The following AGBL4 variants were observed in gnomAD, a reference collection of about 807,000 sequenced individuals.
AGBL4 encodes AGBL carboxypeptidase 4, also known as cytosolic carboxypeptidase 6.
Under a neutral mutation model 66.4 loss-of-function variants are expected in AGBL4, and 58 were observed. That is an observed-to-expected ratio of 0.87 (90% CI 0.71 to 1.09). The LOEUF (loss-of-function observed/expected upper bound fraction) is 1.09. Among genes scored for constraint, AGBL4 ranks in the 50% least tolerant of loss-of-function variants. The pLI is 0.00. For missense variants in AGBL4, 579 were observed against 631.0 expected, an observed-to-expected ratio of 0.92 and a Z score of 0.88; for synonymous variants, 234 against 222.9, an observed-to-expected ratio of 1.05 and a Z score of -0.44.
chr1:49,562,735 G>C (rs1294317357), intron 3 of AGBL4, among the ~76,000 whole-genome samples: 1 of 152,116 alleles, frequency 6.6e-6, no homozygotes, highest in Admixed American at 6.6e-5. Flanking sequence ...TTTGAAGTCA[G>C]GTAGCGTGAT....
At chr1:49,274,024 G>A (rs1311675776) in intron 3 of AGBL4, among the ~76,000 whole-genome samples, 1 of 152,150 alleles carries the variant, frequency 6.6e-6, no homozygotes, top group Non-Finnish European at 1.5e-5. Context: ...AAAGAGAGAA[G>A]AGAGACAGAT....
At chr1:49,599,553 T>C (rs1644914713) in intron 3 of AGBL4, among the ~76,000 whole-genome samples, 1 of 152,186 alleles carries the variant, frequency 6.6e-6, no homozygotes, top group Admixed American at 6.5e-5. Flanking sequence ...TGTTGATCTT[T>C]TCAAAAAACC....
intron 4 of AGBL4, among the ~76,000 whole-genome samples, chr1:49,228,492 A>G (rs1650073291): frequency 6.6e-6 from 1 of 152,178 alleles, no homozygotes; most frequent in Non-Finnish European, 1.5e-5. Flanking sequence ...AATAAGAGTA[A>G]AGTCAAAAGA....
At chr1:49,259,195 C>T (rs1415454873) in intron 3 of AGBL4, among the ~76,000 whole-genome samples, 1 of 152,024 alleles carries the variant, frequency 6.6e-6, no homozygotes, top group East Asian at 1.9e-4. Context: ...CCAGCCACTG[C>T]AAAATCATGC....
intron 4 of AGBL4, among the ~76,000 whole-genome samples, chr1:49,160,557 C>T (rs1646520509): frequency 6.6e-6 from 1 of 152,148 alleles, no homozygotes; most frequent in African/African-American, 2.4e-5. Flanking sequence ...GCAGTCTGAC[C>T]CTTAGCAGAG....
chr1:48,552,221 G>C (rs1644259544), intron 11 of AGBL4, among the ~76,000 whole-genome samples: 1 of 151,998 alleles, frequency 6.6e-6, no homozygotes, highest in African/African-American at 2.4e-5. Flanking sequence ...GTGCCACCAT[G>C]CCCGGCTAAT....
At chr1:49,237,189 G>A (rs1650824442) in intron 4 of AGBL4, among the ~76,000 whole-genome samples, 1 of 151,822 alleles carries the variant, frequency 6.6e-6, no homozygotes, top group Admixed American at 6.6e-5. Flanking sequence ...AGTGAACCTG[G>A]GAGGTGGAGC....
intron 5 of AGBL4, among the ~76,000 whole-genome samples, chr1:49,013,656 A>G (rs564255394): frequency 6.6e-5 from 10 of 152,202 alleles, no homozygotes; most frequent in African/African-American, 2.2e-4. Flanking sequence ...CTGCTCCCCA[A>G]TTCCCACCTC....
chr1:48,789,496 A>G (rs1278284626), intron 6 of AGBL4, among the ~76,000 whole-genome samples: 1 of 151,968 alleles, frequency 6.6e-6, no homozygotes, highest in Non-Finnish European at 1.5e-5. Flanking sequence ...TCACCATGTT[A>G]GCCAGGATGG....
rs558642785 is a variant in AGBL4, at chr1:49,799,858, C to T, written c.157+51538G>A. On this transcript the variant is annotated intron_variant, in intron 2 of 13. Transcript: ENST00000371839. ...CATATGTTTGCCAAACAACTCAGTGCCACAGTGACCCAGATGGACACAGAA... is the reference window on the plus strand; with the variant it reads ...CATATGTTTGCCAAACAACTCAGTGTCACAGTGACCCAGATGGACACAGAA... Among the ~76,000 whole-genome samples, 14 of 152,164 alleles carry T rather than the reference C, an allele frequency of 9.2e-5. No homozygotes were observed. The East Asian group carries it at 2.7e-3, about 29-fold the overall frequency.
intron 4 of AGBL4, among the ~76,000 whole-genome samples, chr1:49,167,500 C>CT (rs1223392132): frequency 6.6e-6 from 1 of 152,176 alleles, no homozygotes; most frequent in Non-Finnish European, 1.5e-5. Flanking sequence ...ATGAATGGAC[C>CT]AGGCACCTGC....
intron 9 of AGBL4, among the ~76,000 whole-genome samples, chr1:48,614,572 G>A (rs888279692): frequency 6.6e-5 from 10 of 152,298 alleles, no homozygotes; most frequent in South Asian, 6.2e-4. Flanking sequence ...CTCTCTTGTC[G>A]CTTTTCCATT....
chr1:49,465,469 T>C (rs1646610675), intron 3 of AGBL4, among the ~76,000 whole-genome samples: 1 of 151,804 alleles, frequency 6.6e-6, no homozygotes, highest in African/African-American at 2.4e-5. Context: ...TTTAAAGTGA[T>C]ATAGAATCTG....
chr1:49,608,009 A>G (rs1645090649), intron 3 of AGBL4, among the ~76,000 whole-genome samples: 1 of 152,128 alleles, frequency 6.6e-6, no homozygotes, highest in Non-Finnish European at 1.5e-5. Context: ...CACTTGTCAA[A>G]TGTCTTTTAT....
intron 6 of AGBL4, among the ~76,000 whole-genome samples, chr1:48,723,093 T>C (rs1313577628): frequency 6.6e-6 from 1 of 152,184 alleles, no homozygotes; most frequent in African/African-American, 2.4e-5. Context: ...CGCTCCCCAC[T>C]CTTTCCCATG....
chr1:50,014,490 A>T (rs1424135611), intron 1 of AGBL4, among the ~76,000 whole-genome samples: 1 of 151,864 alleles, frequency 6.6e-6, no homozygotes, highest in Non-Finnish European at 1.5e-5. Flanking sequence ...CCTACTTTCA[A>T]GATCAGTTTC....
At chr1:48,913,293 G>A (rs1217198128) in intron 5 of AGBL4, among the ~76,000 whole-genome samples, 1 of 152,186 alleles carries the variant, frequency 6.6e-6, no homozygotes, top group Non-Finnish European at 1.5e-5. Flanking sequence ...GTGAGTGATT[G>A]AGTCCTGTTG....
At chr1:49,389,753 T>C (rs1220015874) in intron 3 of AGBL4, among the ~76,000 whole-genome samples, 3 of 152,170 alleles carry the variant, frequency 2.0e-5, no homozygotes, top group Non-Finnish European at 2.9e-5. Context: ...GGTCCTGTGC[T>C]CTTGGAAGAC....
chr1:49,288,702 C>T (rs538237192), intron 3 of AGBL4, among the ~76,000 whole-genome samples: 1 of 152,138 alleles, frequency 6.6e-6, no homozygotes, highest in Non-Finnish European at 1.5e-5. Context: ...CAAGGCCTAC[C>T]AAGTTGGAAA....
Sources: allele counts gnomAD v4.1 joint callset (sites outside exome capture counted in the v4.1 genomes callset), GRCh38; gene constraint gnomAD v4.1.1; transcripts MANE v1.5; gene names NCBI Gene and HGNC (gene_info 2026-07-23, HGNC 2026-07-21).